The following PAPPA variants were observed in gnomAD, a reference collection of about 807,000 sequenced individuals.
PAPPA encodes the protein pappalysin 1.
PAPPA carries 60 observed loss-of-function variants against 164.0 expected under a neutral mutation model. The ratio of observed to expected loss-of-function variants is 0.37; its 90% confidence interval spans 0.30 to 0.45. PAPPA has a LOEUF of 0.45. Among genes scored for constraint, PAPPA ranks in the 20% least tolerant of loss-of-function variants. The pLI is 1.00. For synonymous variants in PAPPA, 875 were observed against 814.1 expected (o/e 1.07, Z -1.27); for missense variants, 1,782 against 2,087.3 (o/e 0.85, Z 2.85).
At chr9:116,229,736 A>G (rs1483093205) in intron 6 of PAPPA, among the ~76,000 whole-genome samples, 12 of 152,178 alleles carry the variant, frequency 7.9e-5, no homozygotes, top group Admixed American at 7.9e-4. Context: ...AGAAGAGATC[A>G]AGAGGATTTG....
chr9:116,338,670 A>G (rs1846095478), intron 13 of PAPPA, among the ~76,000 whole-genome samples: 2 of 152,212 alleles, frequency 1.3e-5, no homozygotes, highest in African/African-American at 4.8e-5. Context: ...TTGATTGGGA[A>G]TCACTAGTCT....
rs59596284 is a variant in PAPPA at position 116,313,082 on chromosome 9, CAAAA to C, written c.3147+10148_3147+10151del. On this transcript the variant is annotated intron_variant, in intron 10 of 21. Coordinates refer to ENST00000328252, the MANE Select transcript of PAPPA (RefSeq NM_002581.5). ...TAGGTGACAGAGTGAGACTCCATCT[CAAAA>C]AAAAAAAAAAAAAAAGAAACTCCAA... 6.0e-3 allele frequency among the ~76,000 whole-genome samples: 414 copies of C among 68,466 alleles called. 4 individuals carry two copies. Among genetic ancestry groups the C allele is most frequent in the Non-Finnish European group, 8.9e-3 (308 of 34,434 alleles). The allele number at this position is 68,466 out of a possible 152,430, so 44.9% of individuals were successfully genotyped here.
chr9:116,338,819 C>T (rs967288272), intron 13 of PAPPA, among the ~76,000 whole-genome samples: 22 of 152,212 alleles, frequency 1.4e-4, no homozygotes, highest in Non-Finnish European at 7.3e-5. Context: ...CCAGTTGCTC[C>T]GTATCCTTGG....
chr9:116,156,350 A>ATG (rs1298647932), intron 1 of PAPPA, among the ~76,000 whole-genome samples: 5 of 136,258 alleles, frequency 3.7e-5, no homozygotes, highest in Admixed American at 1.4e-4. Flanking sequence ...ATATATATGT[A>ATG]TATATATATA....
intron 18 of PAPPA, 109 bp downstream of exon 18, chr9:116,362,848 A>G: frequency 9.8e-7 from 1 of 1,018,040 alleles, no homozygotes; most frequent in Non-Finnish European, 1.4e-6. Context: ...GTTCCTGCGT[A>G]GGCACTACAG....
rs1228280045 is a variant in PAPPA at position 116,367,772 on chromosome 9, T to A, written c.4605+18T>A. On this transcript the variant is annotated intron_variant, in intron 19 of 21. Transcript: ENST00000328252. ...GGGTAGAGGTGAGTGACCAGGGACA[T>A]CTACCCACCTGCAGCTAAGGGGGAG... is the stretch of plus-strand genomic sequence containing the variant. 6.6e-7 allele frequency: 1 copy of A among 1,512,192 alleles called. No individual in the cohort carries two copies. Among genetic ancestry groups the A allele is most frequent in the East Asian group, 2.3e-5 (1 of 44,268 alleles). 93.7% of individuals were successfully genotyped at this position (1,512,192 alleles called of 1,614,324 possible).
intron 9 of PAPPA, among the ~76,000 whole-genome samples, chr9:116,289,315 CAT>C (rs1845399420): frequency 7.2e-6 from 1 of 138,780 alleles, no homozygotes; most frequent in East Asian, 2.1e-4. Flanking sequence ...ATATATATGG[CAT>C]ATATATGGCA....
chr9:116,315,971 G>A (rs1176185597), intron 10 of PAPPA, among the ~76,000 whole-genome samples: 4 of 152,134 alleles, frequency 2.6e-5, no homozygotes, highest in Admixed American at 6.5e-5. Flanking sequence ...GTCAACCACT[G>A]TATGAGGTAA....
intron 16 of PAPPA, among the ~76,000 whole-genome samples, chr9:116,353,166 C>G (rs1179923406): frequency 1.3e-5 from 2 of 152,086 alleles, no homozygotes; most frequent in Non-Finnish European, 2.9e-5. Flanking sequence ...CTTCTCTGCA[C>G]TTCATTTTTT....
At chr9:116,210,828 CT>C (rs1395831492) in intron 3 of PAPPA, among the ~76,000 whole-genome samples, 3 of 152,146 alleles carry the variant, frequency 2.0e-5, no homozygotes, top group African/African-American at 7.2e-5. Context: ...CTACTAAGCT[CT>C]CAGGTGATGA....
chr9:116,255,879 T>C (rs1325392624), intron 7 of PAPPA, among the ~76,000 whole-genome samples: 9 of 151,980 alleles, frequency 5.9e-5, no homozygotes. Context: ...TTGATTTAAC[T>C]GTCATCTTAC....
At chr9:116,281,273 T>G (rs1845263276) in intron 9 of PAPPA, among the ~76,000 whole-genome samples, 1 of 152,106 alleles carries the variant, frequency 6.6e-6, no homozygotes, top group Admixed American at 6.5e-5. Context: ...GGTAAAAGTA[T>G]AGCCAGTTGG....
intron 4 of PAPPA, among the ~76,000 whole-genome samples, chr9:116,217,598 T>G (rs538801472): frequency 1.4e-4 from 21 of 152,224 alleles, no homozygotes; most frequent in African/African-American, 4.8e-4. Flanking sequence ...ATCCTGAATT[T>G]TTTTCCTGCT....
chr9:116,362,506 A>G (rs879132407), intron 17 of PAPPA, 86 bp from the exon 18 acceptor site: 1 of 1,431,268 alleles, frequency 7.0e-7, no homozygotes, highest in South Asian at 1.4e-5. Flanking sequence ...GAGAGATGAA[A>G]AATTCTTTTC....
rs143135310 is a variant in PAPPA, at chr9:116,364,908, T to C, written c.4495+2169T>C. Among the ~76,000 whole-genome samples the C allele has an allele frequency of 1.7e-3, 264 of 152,222 alleles. 2 individuals carry two copies. Among genetic ancestry groups the C allele is most frequent in the African/African-American group, 6.1e-3 (255 of 41,546 alleles). ...CCCACGGCTGGCACCCAGATGTCCA[T>C]CTTATAAATGTGATAATCCAGGGCA... On this transcript the variant is annotated intron_variant, in intron 18 of 21. Transcript: ENST00000328252.
At chr9:116,171,408 A>G in intron 1 of PAPPA, among the ~76,000 whole-genome samples, 1 of 152,164 alleles carries the variant, frequency 6.6e-6, no homozygotes, top group African/African-American at 2.4e-5. Flanking sequence ...CATTTAATAC[A>G]GTGAGGTCTT....
chr9:116,275,487 A>T (rs555293262), intron 9 of PAPPA, among the ~76,000 whole-genome samples: 1 of 152,296 alleles, frequency 6.6e-6, no homozygotes, highest in African/African-American at 2.4e-5. Context: ...GCACCAGGTC[A>T]CACAGCACAC....
At chr9:116,264,291 C>G (rs1845039793) in intron 7 of PAPPA, among the ~76,000 whole-genome samples, 1 of 152,240 alleles carries the variant, frequency 6.6e-6, no homozygotes, top group South Asian at 2.1e-4. Flanking sequence ...TCGAGGTTTA[C>G]AAAACAACCA....
intron 10 of PAPPA, among the ~76,000 whole-genome samples, chr9:116,326,764 C>A (rs1845925722): frequency 1.3e-5 from 2 of 152,270 alleles, no homozygotes; most frequent in Non-Finnish European, 2.9e-5. Context: ...CCCTAGCAAC[C>A]ACCATTCATT....
Sources: allele counts gnomAD v4.1 joint callset (sites outside exome capture counted in the v4.1 genomes callset), GRCh38; gene constraint gnomAD v4.1.1; transcripts MANE v1.5; gene names NCBI Gene and HGNC (gene_info 2026-07-23, HGNC 2026-07-21).